The following GLI3 variants were observed in gnomAD, a reference collection of about 807,000 sequenced individuals.
GLI3 encodes the protein GLI family zinc finger 3, also known as transcription activator GLI3.
GLI3 carries 20 observed loss-of-function variants against 100.8 expected under a neutral mutation model. The ratio of observed to expected loss-of-function variants is 0.20; its 90% CI spans 0.14 to 0.29. The LOEUF is 0.29. Among genes scored for constraint, GLI3 ranks in the 10% least tolerant of loss-of-function variants. GLI3 has a pLI of 1.00. For synonymous variants in GLI3, 938 were observed against 860.5 expected (o/e 1.09, Z -1.58); for missense variants, 2,040 against 2,128.5 (o/e 0.96, Z 0.82).
At chr7:42,106,193 C>T (rs142843434) in intron 3 of GLI3, among the ~76,000 whole-genome samples, 2 of 152,324 alleles carry the variant, frequency 1.3e-5, no homozygotes, top group Non-Finnish European at 2.9e-5. Flanking sequence ...CATCCTCATG[C>T]AGCCCGCAGT....
chr7:42,098,763 T>G (rs1442838492), intron 3 of GLI3, among the ~76,000 whole-genome samples: 1 of 152,158 alleles, frequency 6.6e-6, no homozygotes, highest in African/African-American at 2.4e-5. Context: ...TTGGGTCAGA[T>G]TTTTCAGCTA....
At chr7:42,009,480 CTTTTTTTTTT>C (rs3030324) in intron 10 of GLI3, among the ~76,000 whole-genome samples, 3 of 118,382 alleles carry the variant, frequency 2.5e-5, no homozygotes, top group Admixed American at 8.7e-5. Context: ...GCAAATTGTT[CTTTTTTTTTT>C]TTTTTTTTTT....
chr7:42,230,275 T>C (rs1788673072), intron 1 of GLI3, among the ~76,000 whole-genome samples: 1 of 152,226 alleles, frequency 6.6e-6, no homozygotes, highest in African/African-American at 2.4e-5. Flanking sequence ...CGCTTTGCCA[T>C]TTGGTAGCTC....
intron 3 of GLI3, among the ~76,000 whole-genome samples, chr7:42,144,558 C>T (rs1786656134): frequency 6.6e-6 from 1 of 151,570 alleles, no homozygotes; most frequent in Admixed American, 6.6e-5. Flanking sequence ...TTTTAAGCCA[C>T]AAAACCTAAA....
chr7:42,160,296 G>A (rs192930511), intron 2 of GLI3, among the ~76,000 whole-genome samples: 31 of 152,332 alleles, frequency 2.0e-4, no homozygotes, highest in African/African-American at 6.7e-4. Flanking sequence ...TGTCCAGGTT[G>A]AATATCCCTT....
chr7:42,223,050 C>A lies in GLI3; in HGVS notation c.124+80G>T, dbSNP rs536941794. 3.2e-6 allele frequency: 5 copies of A among 1,549,168 alleles called. No homozygotes were observed. The African/African-American group carries it at 6.8e-5, about 21-fold the overall frequency. ...CCTAGAACAAACACTGGTCCAGGTG[C>A]AAACGCTCAATTCACAAGGAATGCA... is the stretch of plus-strand genomic sequence containing the variant. On this transcript the variant is annotated intron_variant, in intron 2 of 14. Coordinates refer to ENST00000395925, the MANE Select transcript of GLI3 (RefSeq NM_000168.6).
At chr7:42,185,010 C>G (rs1461472912) in intron 2 of GLI3, among the ~76,000 whole-genome samples, 1 of 152,128 alleles carries the variant, frequency 6.6e-6, no homozygotes, top group Non-Finnish European at 1.5e-5. Context: ...AGTCTGCCTC[C>G]TGGGAAATGC....
intron 2 of GLI3, among the ~76,000 whole-genome samples, chr7:42,200,278 C>A (rs945576759): frequency 8.5e-5 from 13 of 152,192 alleles, no homozygotes; most frequent in African/African-American, 3.1e-4. Flanking sequence ...CCATGCCAAG[C>A]AGCCCACTTT....
intron 3 of GLI3, among the ~76,000 whole-genome samples, chr7:42,126,202 G>C (rs1174160978): frequency 1.3e-5 from 2 of 152,204 alleles, no homozygotes; most frequent in Non-Finnish European, 2.9e-5. Context: ...GGTAGTGCCT[G>C]TGTTTCTCTG....
intron 2 of GLI3, chr7:42,222,808 G>A: frequency 1.1e-5 from 4 of 348,178 alleles, no homozygotes; most frequent in South Asian, 9.7e-5. Flanking sequence ...TGATCCATAT[G>A]CAACACAAAG....
chr7:42,086,488 GA>G (rs1785104120), intron 3 of GLI3, among the ~76,000 whole-genome samples: 1 of 151,990 alleles, frequency 6.6e-6, no homozygotes, highest in Non-Finnish European at 1.5e-5. Context: ...AGTAGCCCAA[GA>G]TAGCCTCCCC....
At chr7:42,210,024 C>T (rs1355739291) in intron 2 of GLI3, among the ~76,000 whole-genome samples, 1 of 138,982 alleles carries the variant, frequency 7.2e-6, no homozygotes, top group Non-Finnish European at 1.5e-5. Context: ...AGGGCATAGG[C>T]CCATGTCCAT....
chr7:42,230,912 A>G (rs1465889531), intron 1 of GLI3, among the ~76,000 whole-genome samples: 17 of 152,356 alleles, frequency 1.1e-4, no homozygotes, highest in African/African-American at 3.6e-4. Context: ...TTATCAGTCT[A>G]TAGATCAGCT....
intron 1 of GLI3, among the ~76,000 whole-genome samples, chr7:42,245,295 A>G (rs1028114018): frequency 6.6e-6 from 1 of 152,202 alleles, no homozygotes; most frequent in African/African-American, 2.4e-5. Context: ...GTAATCACAG[A>G]ATCACAGTAA....
intron 2 of GLI3, among the ~76,000 whole-genome samples, chr7:42,217,027 T>A (rs888438170): frequency 2.6e-5 from 4 of 151,530 alleles, no homozygotes; most frequent in East Asian, 1.9e-4. Flanking sequence ...TAAGCAGAAC[T>A]GTAATAAGCC....
chr7:42,216,779 T>C (rs1476061264), intron 2 of GLI3, among the ~76,000 whole-genome samples: 1 of 152,234 alleles, frequency 6.6e-6, no homozygotes, highest in Non-Finnish European at 1.5e-5. Context: ...TTTGAGAATT[T>C]AAACATGCAT....
intron 2 of GLI3, among the ~76,000 whole-genome samples, chr7:42,192,510 A>G (rs1787847809): frequency 6.6e-6 from 1 of 152,240 alleles, no homozygotes; most frequent in Non-Finnish European, 1.5e-5. Flanking sequence ...TATTAAAGTG[A>G]TGAAATTATA....
In GLI3 at chr7:41,966,736, G is replaced by T. The variant is rs1787196212; in HGVS notation, c.2432-95C>A. On this transcript the variant is annotated intron_variant, in intron 14 of 14. Transcript: ENST00000395925. The surrounding 1 kb of genome is among the most constrained non-coding windows in gnomAD (Gnocchi z 5.8). ...AGCAACCCTTTTCTGTAAAGGGCCA[G>T]CTAGGAACTATTTCTGGTGTCCCAG... The T allele has an allele frequency of 8.0e-7, 1 of 1,254,686 alleles. No homozygotes were observed. Among genetic ancestry groups the T allele is most frequent in the Non-Finnish European group, 1.2e-6 (1 of 866,192 alleles). The allele number at this position is 1,254,686 out of a possible 1,614,324, so 77.7% of individuals were successfully genotyped here. A position where few individuals can be genotyped will look rare whatever the true frequency, so the allele number is the denominator to read the frequency against.
chr7:41,981,723 C>T (rs753157014), intron 10 of GLI3, among the ~76,000 whole-genome samples: 5 of 152,116 alleles, frequency 3.3e-5, no homozygotes, highest in Non-Finnish European at 5.9e-5. Flanking sequence ...TGAGATTGGA[C>T]GTTTAAATTG....
Sources: gnomAD v4.1 joint callset for allele counts (sites outside exome capture counted in the v4.1 genomes callset) on GRCh38, gnomAD v4.1.1 for gene constraint, Gnocchi (gnomAD v3.1) non-coding constraint, MANE v1.5 for transcripts, NCBI Gene and HGNC (gene_info 2026-07-23, HGNC 2026-07-21) for gene names.